RET: variants seen among roughly 807,000 people sequenced by gnomAD.
The protein encoded by RET is ret proto-oncogene, also known as proto-oncogene tyrosine-protein kinase receptor Ret.
In RET, 19 loss-of-function variants were observed where a neutral mutation model predicts 118.3. That is an observed-to-expected ratio of 0.16 (90% CI 0.11 to 0.24). RET has a LOEUF of 0.24. Among genes scored for constraint, RET ranks in the 10% least tolerant of loss-of-function variants. The pLI, the probability that RET is intolerant of heterozygous loss-of-function variation, is 1.00. For synonymous variants in RET, 597 were observed against 644.1 expected, an observed-to-expected ratio of 0.93 and a Z score of 1.11; for missense variants, 1,219 against 1,502.1, an observed-to-expected ratio of 0.81 and a Z score of 3.12.
rs1057164496 is a variant in RET, at chr10:43,114,820, C to A, written c.2136+84C>A. 2.8e-6 allele frequency: 4 copies of A among 1,447,930 alleles called. No individual in the cohort carries two copies. The African/African-American group carries it at 5.7e-5, about 21-fold the overall frequency. The allele number at this position is 1,447,930 out of a possible 1,614,324, so 89.7% of individuals were successfully genotyped here. ...GGGAGGCCAGCTGGGGAGACAGAGG[C>A]CATCCTGTGAGGGGCTGCCAACGCT... On this transcript the variant is annotated intron_variant, in intron 11 of 19. Transcript: ENST00000355710. The surrounding 1 kb of genome is among the most constrained non-coding windows in gnomAD (Gnocchi z 4.6).
intron 1 of RET, among the ~76,000 whole-genome samples, chr10:43,099,510 T>C (rs896193914): frequency 1.5e-5 from 2 of 130,784 alleles, no homozygotes; most frequent in Non-Finnish European, 3.3e-5. Context: ...AAACTCCATC[T>C]CAAAAATAAA....
At chr10:43,111,060 G>T (rs1327424568) in intron 6 of RET, 147 bp from the exon 7 acceptor site, 1 of 1,099,938 alleles carries the variant, frequency 9.1e-7, no homozygotes, top group Non-Finnish European at 1.3e-6. Flanking sequence ...GCTCTGAGGG[G>T]TGGAGGACAG....
chr10:43,105,796 G>A (rs560236639), intron 4 of RET, among the ~76,000 whole-genome samples: 2 of 152,336 alleles, frequency 1.3e-5, no homozygotes, highest in East Asian at 1.9e-4. Flanking sequence ...GGGAAAGGGG[G>A]TCTGGTCGAA....
intron 1 of RET, among the ~76,000 whole-genome samples, chr10:43,096,161 A>G (rs1837519614): frequency 6.6e-6 from 1 of 152,092 alleles, no homozygotes; most frequent in Non-Finnish European, 1.5e-5. Context: ...AAGCTTTGTA[A>G]GTCCTGCTGG....
intron 12 of RET, 74 bp downstream of exon 12, chr10:43,116,805 C>T: frequency 6.4e-7 from 1 of 1,554,446 alleles, no homozygotes; most frequent in Non-Finnish European, 8.8e-7. Context: ...CCCTCCTGCC[C>T]AGCATGGGAC....
Position 43,077,189 on chromosome 10 carries a change from C to T in RET, c.-70C>T. The T allele has an allele frequency of 7.1e-7, 1 of 1,407,294 alleles. No homozygotes were observed. Among genetic ancestry groups the T allele is most frequent in the Non-Finnish European group, 9.3e-7 (1 of 1,078,848 alleles). 87.2% of individuals were successfully genotyped at this position (1,407,294 alleles called of 1,614,324 possible). On this transcript the variant is annotated 5_prime_UTR_variant, in exon 1 of 20. Transcript: ENST00000355710. ...GGGATGGGGCGGCCAGACTGAGCGC[C>T]GCACCCGCCATCCAGACCCGCCGGC...
chr10:43,077,373 A>G, intron 1 of RET, 42 bp downstream of exon 1: 2 of 1,493,856 alleles, frequency 1.3e-6, no homozygotes, highest in South Asian at 1.2e-5. Flanking sequence ...GGCCAGGGCG[A>G]AGTTGGCGCC....
rs991682686 is a variant in RET, at chr10:43,112,063, C to A, written c.1523-36C>A. 3 of 1,577,756 alleles carry A rather than the reference C, an allele frequency of 1.9e-6. No individual in the cohort carries two copies. In the South Asian group the frequency reaches 3.5e-5, roughly 18 times the overall value. Reference sequence around the variant, plus strand: ...CACTAGCTGGACGCTGGGCCCAGGCCAGCCCCCTGTGACCCTGCTTGTCTG... The same window carrying A: ...CACTAGCTGGACGCTGGGCCCAGGCAAGCCCCCTGTGACCCTGCTTGTCTG... On this transcript the variant is annotated intron_variant, in intron 7 of 19. Coordinates refer to ENST00000355710, the MANE Select transcript of RET (RefSeq NM_020975.6).
chr10:43,110,027 G>C (rs1477867811), intron 6 of RET, among the ~76,000 whole-genome samples: 1 of 152,200 alleles, frequency 6.6e-6, no homozygotes, highest in African/African-American at 2.4e-5. Flanking sequence ...GCCCGCATCA[G>C]CTCCTGGCAG....
At chr10:43,097,549 C>T (rs896893571) in intron 1 of RET, among the ~76,000 whole-genome samples, 1 of 152,138 alleles carries the variant, frequency 6.6e-6, no homozygotes, top group African/African-American at 2.4e-5. Context: ...GGAGGGGGCT[C>T]ATCGGGGCCA....
chr10:43,112,270 C>T (rs1485787056), intron 8 of RET, 46 bp downstream of exon 8: 1 of 1,546,342 alleles, frequency 6.5e-7, no homozygotes, highest in Non-Finnish European at 8.7e-7. Context: ...GGCGATGGCA[C>T]CGGTGGAAAC....
At chr10:43,102,293 G>A (rs749498555) in intron 2 of RET, 49 bp from the exon 3 acceptor site, 4 of 1,608,706 alleles carry the variant, frequency 2.5e-6, no homozygotes, top group Non-Finnish European at 3.4e-6. Flanking sequence ...ATTCCCGACT[G>A]CCTGGCAGAT....
intron 15 of RET, 26 bp from the exon 16 acceptor site, chr10:43,121,920 A>G (rs367961801): frequency 7.0e-6 from 11 of 1,576,556 alleles, no homozygotes; most frequent in African/African-American, 2.7e-5. Context: ...AGTAACTTCA[A>G]TGTCTTTATT....
In RET at chr10:43,128,301, G is replaced by A. The variant is rs964782677; in HGVS notation, c.*32G>A. 9 of 1,612,314 alleles carry A rather than the reference G, an allele frequency of 5.6e-6. No individual in the cohort carries two copies. Among genetic ancestry groups the A allele is most frequent in the Non-Finnish European group, 7.6e-6 (9 of 1,178,466 alleles). On this transcript the variant is annotated 3_prime_UTR_variant, in exon 20 of 20. Transcript: ENST00000355710. ...TTTGTGAAAGGTAATGGACTCACAA[G>A]GGGAAGAAACATGCTGAGAATGGAA... is the stretch of plus-strand genomic sequence containing the variant.
rs372191563 is a variant in RET at position 43,126,594 on chromosome 10, C to G, written c.3059C>G (p.Ala1020Gly). 1 of 1,613,962 alleles carries G rather than the reference C, an allele frequency of 6.2e-7. No homozygotes were observed. The highest frequency in any genetic ancestry group is 8.5e-7 in the Non-Finnish European group (1 of 1,180,028). The change falls in exon 19 of 20, where the codon GCG (alanine) becomes GGG (glycine). Residue 1020 changes from alanine to glycine, a missense_variant. Physicochemically the swap from Ala to Gly is moderately conservative, Grantham distance 60. Coordinates refer to ENST00000355710, the MANE Select transcript of RET (RefSeq NM_020975.6). ...TTCCAGGACTACTTGGACCTTGCGG[C>G]GTCCACTCCATCTGACTCCCTGATT... The part of the protein sequence containing the change: ...VKRRDYLDLA[A>G]STPSDSLIYD...
intron 1 of RET, among the ~76,000 whole-genome samples, chr10:43,088,966 G>T (rs1407470410): frequency 6.6e-6 from 1 of 152,170 alleles, no homozygotes; most frequent in East Asian, 1.9e-4. Context: ...CTCCCGTCCT[G>T]CCGGGCACTG....
intron 3 of RET, among the ~76,000 whole-genome samples, chr10:43,103,940 G>A (rs1221765931): frequency 6.6e-6 from 1 of 152,198 alleles, no homozygotes; most frequent in Non-Finnish European, 1.5e-5. Context: ...CCTTCAGCAT[G>A]CCCCCTTTTC....
chr10:43,094,783 A>G (rs967379347), intron 1 of RET, among the ~76,000 whole-genome samples: 1 of 152,234 alleles, frequency 6.6e-6, no homozygotes, highest in Non-Finnish European at 1.5e-5. Flanking sequence ...GAGCAAATAC[A>G]TGTGCTTGTT....
At chr10:43,108,777 A>G (rs1837842797) in intron 5 of RET, among the ~76,000 whole-genome samples, 1 of 152,142 alleles carries the variant, frequency 6.6e-6, no homozygotes, top group Non-Finnish European at 1.5e-5. Flanking sequence ...ACCCCATACA[A>G]TGCGTACACA....
Sources: gnomAD v4.1 joint callset for allele counts (sites outside exome capture counted in the v4.1 genomes callset) on GRCh38, gnomAD v4.1.1 for gene constraint, Gnocchi (gnomAD v3.1) non-coding constraint, MANE v1.5 for transcripts, NCBI Gene and HGNC (gene_info 2026-07-23, HGNC 2026-07-21) for gene names.